Variants in PUM1 observed in about 807,000 individuals in gnomAD.
PUM1 encodes the protein pumilio RNA binding family member 1, also known as pumilio homolog 1.
PUM1 carries 13 observed loss-of-function variants against 131.8 expected under a neutral mutation model. The observed-to-expected ratio is 0.10, with a 90% CI of 0.06 to 0.16. PUM1 has a LOEUF of 0.16. Among genes scored for constraint, PUM1 ranks in the 10% least tolerant of loss-of-function variants. PUM1 has a pLI of 1.00. For synonymous variants in PUM1, 509 were observed against 556.5 expected (o/e 0.91, Z 1.20); for missense variants, 961 against 1,512.4 (o/e 0.64, Z 6.05).
chr1:30,992,341 G>A (rs770074219), intron 7 of PUM1, 49 bp downstream of exon 7: 11 of 1,582,086 alleles, frequency 7.0e-6, no homozygotes, highest in Admixed American at 1.7e-5. Flanking sequence ...CTTGAACAAC[G>A]TGCTGGCTGG....
At chr1:31,004,543 A>G (rs1349940860) in intron 5 of PUM1, among the ~76,000 whole-genome samples, 1 of 151,558 alleles carries the variant, frequency 6.6e-6, no homozygotes. Flanking sequence ...CTTCCCAAGC[A>G]GCCCCTTGGG....
intron 3 of PUM1, among the ~76,000 whole-genome samples, chr1:31,017,130 A>G (rs1195897846): frequency 2.0e-5 from 3 of 152,230 alleles, no homozygotes; most frequent in African/African-American, 4.8e-5. Flanking sequence ...TACTACTTGC[A>G]CACACCCTAA....
intron 15 of PUM1, 29 bp downstream of exon 15, chr1:30,953,685 A>C (rs1640039357): frequency 1.2e-6 from 2 of 1,610,846 alleles, no homozygotes; most frequent in African/African-American, 1.3e-5. Flanking sequence ...AATTTCGGGT[A>C]CCTTAAAGTG....
chr1:31,008,832 A>G (rs1230685569), intron 3 of PUM1, among the ~76,000 whole-genome samples: 13 of 152,060 alleles, frequency 8.5e-5, no homozygotes, highest in Non-Finnish European at 1.6e-4. Flanking sequence ...GGACAATTCA[A>G]TAATTATTTT....
intron 20 of PUM1, among the ~76,000 whole-genome samples, chr1:30,937,411 C>G (rs1250727999): frequency 6.6e-6 from 1 of 152,038 alleles, no homozygotes; most frequent in Admixed American, 6.5e-5. Context: ...GAGGTTGAGG[C>G]AGGAGAATTG....
rs1012675746 is a variant in PUM1 at position 30,933,150 on chromosome 1, T to G, written c.*61A>C. 1.6e-4 allele frequency: 245 copies of G among 1,553,198 alleles called. No homozygotes were observed. Among genetic ancestry groups the G allele is most frequent in the Non-Finnish European group, 2.1e-4 (241 of 1,148,298 alleles). On this transcript the variant is annotated 3_prime_UTR_variant, in exon 22 of 22. Coordinates refer to ENST00000426105, the MANE Select transcript of PUM1 (RefSeq NM_001020658.2). ...ACACTAGAACATTTCTGGTTGCTGG[T>G]TGGATTTGCCAGTGGGCCAGTGAGG... is the stretch of plus-strand genomic sequence containing the variant.
chr1:31,050,019 CG>C (rs1175805227), intron 2 of PUM1, among the ~76,000 whole-genome samples: 1 of 151,462 alleles, frequency 6.6e-6, no homozygotes, highest in Non-Finnish European at 1.5e-5. Flanking sequence ...TTAGTAGAGA[CG>C]GGGTTTCACC....
intron 7 of PUM1, among the ~76,000 whole-genome samples, chr1:30,983,900 G>A (rs1202475650): frequency 2.0e-5 from 3 of 151,882 alleles, no homozygotes; most frequent in African/African-American, 7.3e-5. Flanking sequence ...ACCACACCTG[G>A]GCTATATATT....
At chr1:30,938,681 G>A (rs1479025953) in intron 20 of PUM1, among the ~76,000 whole-genome samples, 1 of 152,152 alleles carries the variant, frequency 6.6e-6, no homozygotes, top group Non-Finnish European at 1.5e-5. Flanking sequence ...TGGCTAACAT[G>A]GTGAAACCCT....
intron 8 of PUM1, 75 bp from the exon 9 acceptor site, chr1:30,980,238 G>T (rs1641305255): frequency 1.8e-6 from 2 of 1,132,544 alleles, no homozygotes; most frequent in East Asian, 2.4e-5. Context: ...ACACAGTTTC[G>T]CTATTCACTC....
At chr1:30,967,522 A>G (rs1161966636) in intron 11 of PUM1, among the ~76,000 whole-genome samples, 1 of 152,218 alleles carries the variant, frequency 6.6e-6, no homozygotes, top group African/African-American at 2.4e-5. Flanking sequence ...ATTTAAGAAC[A>G]AATATCCTGC....
intron 3 of PUM1, among the ~76,000 whole-genome samples, chr1:31,019,222 G>A (rs556483607): frequency 1.3e-5 from 2 of 152,236 alleles, no homozygotes; most frequent in South Asian, 2.1e-4. Flanking sequence ...TGTGGTGGCA[G>A]GCACCTGTGA....
chr1:30,948,673 C>T (rs1037860046), intron 17 of PUM1, among the ~76,000 whole-genome samples: 27 of 152,136 alleles, frequency 1.8e-4, no homozygotes, highest in South Asian at 4.1e-4. Context: ...ACCACTTGAG[C>T]TCAGGAGGTT....
chr1:31,024,058 T>C (rs943363554), intron 3 of PUM1, among the ~76,000 whole-genome samples: 1 of 152,178 alleles, frequency 6.6e-6, no homozygotes, highest in African/African-American at 2.4e-5. Context: ...TCCTCTTTTC[T>C]ATCTTTTTAA....
intron 2 of PUM1, chr1:31,037,190 A>G (rs1643638584): frequency 6.5e-6 from 1 of 153,114 alleles, no homozygotes. Flanking sequence ...AGAGCTAGAA[A>G]ATAATATAGA....
chr1:31,063,237 T>A (rs143226384), intron 1 of PUM1, among the ~76,000 whole-genome samples: 92 of 152,318 alleles, frequency 6.0e-4, no homozygotes, highest in Non-Finnish European at 9.4e-4. Context: ...CAAAACTACC[T>A]GTTTCCTCAT....
At chr1:31,064,870 C>G (rs1053306048) in intron 1 of PUM1, among the ~76,000 whole-genome samples, 10 of 145,348 alleles carry the variant, frequency 6.9e-5, no homozygotes, top group African/African-American at 2.5e-4. Context: ...GTTTACCAAG[C>G]ATGTTTGTGA....
Position 31,005,943 on chromosome 1 carries a change from T to C in PUM1, c.630A>G (p.Pro210=). 6.2e-7 allele frequency: 1 copy of C among 1,613,920 alleles called. No homozygotes were observed. Among genetic ancestry groups the C allele is most frequent in the Non-Finnish European group, 8.5e-7 (1 of 1,179,912 alleles). The part of the protein sequence containing the change: ...VNSEVNSVLS[P]RSESGGLGVS... ...CGCCTAGTCCCCCACTCTCCGATCG[T>C]GGGGACAGTACAGAATTGACCTCAC... The change falls in exon 5 of 22, where the codon CCA becomes CCG. Residue 210 remains proline, a synonymous_variant. Coordinates refer to ENST00000426105, the MANE Select transcript of PUM1 (RefSeq NM_001020658.2).
At chr1:30,938,304 G>A (rs939592274) in intron 20 of PUM1, among the ~76,000 whole-genome samples, 1 of 152,140 alleles carries the variant, frequency 6.6e-6, no homozygotes, top group Non-Finnish European at 1.5e-5. Flanking sequence ...CTAGGCTGGC[G>A]TGCAGTGGCA....
Sources: allele counts gnomAD v4.1 joint callset (sites outside exome capture counted in the v4.1 genomes callset), GRCh38; gene constraint gnomAD v4.1.1; transcripts MANE v1.5; gene names NCBI Gene and HGNC (gene_info 2026-07-23, HGNC 2026-07-21).